Variants in FAT2 observed in about 807,000 individuals in gnomAD.
FAT2 encodes FAT atypical cadherin 2.
Under a neutral mutation model 295.3 loss-of-function variants are expected in FAT2, and 150 were observed. The ratio of observed to expected loss-of-function variants is 0.51; its 90% confidence interval spans 0.44 to 0.58. The LOEUF (loss-of-function observed/expected upper bound fraction) is 0.58, where lower values mean the gene tolerates loss of function less well. FAT2 is among the 20% of genes least tolerant of loss of function. FAT2 has a pLI of 0.00. For synonymous variants in FAT2, 2,026 were observed against 2,150.3 expected, an observed-to-expected ratio of 0.94 and a Z score of 1.60; for missense variants, 4,868 against 5,442.7, an observed-to-expected ratio of 0.89 and a Z score of 3.32.
Position 151,512,284 on chromosome 5 carries a change from C to T in FAT2, c.11786G>A (p.Gly3929Asp), listed in dbSNP as rs1220768722. Reference sequence around the variant, plus strand: ...CTCCAGCAAGCCTGCCACCGTCTTGCCAGGGGCCAGCAGATCTAGAGCCTC... The same window carrying T: ...CTCCAGCAAGCCTGCCACCGTCTTGTCAGGGGCCAGCAGATCTAGAGCCTC... ...NEEALDLLAPGKTVAGLLETQ... is the reference protein window; with the variant it reads ...NEEALDLLAPDKTVAGLLETQ... Residue 3929 changes from glycine to aspartate, a missense_variant, in exon 21 of 24, where the codon GGC (glycine) becomes GAC (aspartate). Transcript: ENST00000261800. This position sits in a 1 kb window ranked among gnomAD's most constrained non-coding sequence, Gnocchi z 4.1. The T allele has an allele frequency of 3.1e-6, 5 of 1,614,216 alleles. No homozygotes were observed. Among genetic ancestry groups the T allele is most frequent in the South Asian group, 1.1e-5 (1 of 91,080 alleles).
At chr5:151,532,027 T>C in intron 13 of FAT2, 57 bp from the exon 14 acceptor site, 1 of 1,585,358 alleles carries the variant, frequency 6.3e-7, no homozygotes, top group Non-Finnish European at 8.6e-7. Flanking sequence ...TGGACCTGCC[T>C]GCAGCAAACC....
At chr5:151,594,594 C>T (rs1444057169), upstream of FAT2, among the ~76,000 whole-genome samples, 1 of 152,198 alleles carries the variant, frequency 6.6e-6, no homozygotes, top group African/African-American at 2.4e-5. Context: ...GGGGTGCCGC[C>T]GTAGGCTTCT....
intron 20 of FAT2, 68 bp downstream of exon 20, chr5:151,517,552 A>C: frequency 6.3e-7 from 1 of 1,589,924 alleles, no homozygotes; most frequent in Non-Finnish European, 8.6e-7. Context: ...GACATTCCTC[A>C]TGCCTCACCC....
intron 20 of FAT2, among the ~76,000 whole-genome samples, chr5:151,516,066 C>G (rs1365810799): frequency 1.3e-5 from 2 of 152,206 alleles, no homozygotes; most frequent in Non-Finnish European, 2.9e-5. Context: ...TAAGCATTCT[C>G]CTGCCAAAAG....
At position 151,531,517 on chromosome 5, in the gene FAT2, A is replaced by G. The variant is rs535532317; in HGVS notation, c.9811+70T>C. Reference sequence around the variant, plus strand: ...CGCTGCACAGGGTAGATACCCACACAGGGGAGGAACCCAGCGCTCCCAGAA... The same window carrying G: ...CGCTGCACAGGGTAGATACCCACACGGGGGAGGAACCCAGCGCTCCCAGAA... On this transcript the variant is annotated intron_variant, in intron 14 of 23. Coordinates refer to ENST00000261800, the MANE Select transcript of FAT2 (RefSeq NM_001447.3). The surrounding 1 kb of genome is among the most constrained non-coding windows in gnomAD (Gnocchi z 5.7). 3 of 1,587,218 alleles carry G rather than the reference A, an allele frequency of 1.9e-6. No individual in the cohort carries two copies. The highest frequency in any genetic ancestry group is 2.7e-5 in the African/African-American group (2 of 74,582).
At chr5:151,589,792 C>G (rs960636961) in intron 1 of FAT2, among the ~76,000 whole-genome samples, 36 of 151,956 alleles carry the variant, frequency 2.4e-4, no homozygotes, top group Non-Finnish European at 1.0e-4. Flanking sequence ...TCCTAGCTAC[C>G]CAGGAGGCTG....
At chr5:151,584,186 C>T (rs115316881) in intron 1 of FAT2, among the ~76,000 whole-genome samples, 6 of 152,074 alleles carry the variant, frequency 3.9e-5, no homozygotes, top group African/African-American at 4.8e-5. Flanking sequence ...AGACAGTTCT[C>T]AGAAACCAAG....
chr5:151,551,559 T>C lies in FAT2; in HGVS notation c.4204A>G (p.Ile1402Val). 3 of 1,614,248 alleles carry C rather than the reference T, an allele frequency of 1.9e-6. No individual in the cohort carries two copies. Among genetic ancestry groups the C allele is most frequent in the Non-Finnish European group, 2.5e-6 (3 of 1,180,022 alleles). The stretch of plus-strand genomic sequence containing the variant: ...GTATCAAGAGGCCTGGCAATGACGA[T>C]GCTGCCTGTGGTCTTCTCAATGTCA... The part of the protein sequence containing the change: ...DFDIEKTTGS[I>V]VIARPLDTRR... The change falls in exon 7 of 24, where the codon ATC (isoleucine) becomes GTC (valine). Residue 1402 changes from isoleucine to valine, a missense_variant. Physicochemically the swap from Ile to Val is conservative, Grantham distance 29 (BLOSUM62 3). Transcript: ENST00000261800.
intron 18 of FAT2, among the ~76,000 whole-genome samples, chr5:151,524,803 C>G (rs1753825735): frequency 6.6e-6 from 1 of 152,200 alleles, no homozygotes; most frequent in Non-Finnish European, 1.5e-5. Context: ...GTTGCTCTTC[C>G]TGCCTGGAAG....
chr5:151,572,333 G>A (rs540419670), intron 1 of FAT2, among the ~76,000 whole-genome samples: 4 of 152,082 alleles, frequency 2.6e-5, no homozygotes, highest in African/African-American at 7.2e-5. Context: ...CAGAATGAAC[G>A]CTGAAAGAGC....
intron 3 of FAT2, among the ~76,000 whole-genome samples, chr5:151,557,590 A>G (rs1757809767): frequency 2.0e-5 from 3 of 152,226 alleles, no homozygotes; most frequent in Non-Finnish European, 4.4e-5. Flanking sequence ...AAATGAGGCC[A>G]AGAGATAAGC....
chr5:151,556,856 A>C (rs1024825873), intron 3 of FAT2, among the ~76,000 whole-genome samples: 1 of 152,156 alleles, frequency 6.6e-6, no homozygotes, highest in African/African-American at 2.4e-5. Flanking sequence ...AGCATTTTCA[A>C]CTTATGATGG....
intron 12 of FAT2, among the ~76,000 whole-genome samples, chr5:151,537,013 C>T (rs1755388970): frequency 6.6e-6 from 1 of 152,180 alleles, no homozygotes; most frequent in Non-Finnish European, 1.5e-5. Context: ...CTCTCTTACC[C>T]CTGGCTAACA....
intron 1 of FAT2, among the ~76,000 whole-genome samples, chr5:151,570,424 C>T (rs542662711): frequency 6.6e-6 from 1 of 152,364 alleles, no homozygotes; most frequent in South Asian, 2.1e-4. Flanking sequence ...AGCTCCAAGT[C>T]ACACAGTGTG....
Position 151,549,512 on chromosome 5 carries a change from G to C in FAT2, c.4579-7C>G, listed in dbSNP as rs772213438. 12 of 1,613,472 alleles carry C rather than the reference G, an allele frequency of 7.4e-6. No individual in the cohort carries two copies. Among genetic ancestry groups the C allele is most frequent in the African/African-American group, 6.7e-5 (5 of 75,066 alleles). On this transcript the variant is annotated splice_region_variant and splice_polypyrimidine_tract_variant and intron_variant, in intron 8 of 23. Coordinates refer to ENST00000261800, the MANE Select transcript of FAT2 (RefSeq NM_001447.3). ...GTATTTCCTGGTCTCGGACCTATGGGCCCAAAGGGGGTAATTGGGTAAGCA... is the reference window on the plus strand; with the variant it reads ...GTATTTCCTGGTCTCGGACCTATGGCCCCAAAGGGGGTAATTGGGTAAGCA...
In FAT2 at chr5:151,512,612, A is replaced by G; in HGVS notation, c.11464-6T>C. 2.5e-6 allele frequency: 4 copies of G among 1,588,216 alleles called. No homozygotes were observed. Among genetic ancestry groups the G allele is most frequent in the Non-Finnish European group, 3.4e-6 (4 of 1,165,190 alleles). On this transcript the variant is annotated splice_polypyrimidine_tract_variant and splice_region_variant and intron_variant, in intron 20 of 23. Coordinates refer to ENST00000261800, the MANE Select transcript of FAT2 (RefSeq NM_001447.3). The surrounding 1 kb of genome is among the most constrained non-coding windows in gnomAD (Gnocchi z 4.1). ...TGGGGCACTCCACTGGCCAGCTGCA[A>G]AGGAAATCCAAACAGCCATCAGCAA...
Position 151,527,987 on chromosome 5 carries a change from A to T in FAT2, c.10164+9T>A. 1 of 1,613,570 alleles carries T rather than the reference A, an allele frequency of 6.2e-7. No individual in the cohort carries two copies. The highest frequency in any genetic ancestry group is 8.5e-7 in the Non-Finnish European group (1 of 1,179,810). ...TGAGCTCAGGGTGCGCCCCTCCCACATGACTCACCTGTTCCCGGTCCAGGG... is the reference window on the plus strand; with the variant it reads ...TGAGCTCAGGGTGCGCCCCTCCCACTTGACTCACCTGTTCCCGGTCCAGGG... On this transcript the variant is annotated intron_variant, in intron 16 of 23. Coordinates refer to ENST00000261800, the MANE Select transcript of FAT2 (RefSeq NM_001447.3).
chr5:151,570,010 A>G (rs142902614), intron 1 of FAT2, among the ~76,000 whole-genome samples: 261 of 152,386 alleles, frequency 1.7e-3, no homozygotes, highest in African/African-American at 6.0e-3. Context: ...AAAATCATCA[A>G]TCTCTTAGGA....
chr5:151,554,652 C>T lies in FAT2; in HGVS notation c.3655G>A (p.Glu1219Lys), dbSNP rs944692308. The change falls in exon 5 of 24, where the codon GAA becomes AAA. Residue 1219 changes from glutamate (E) to lysine (K), a missense_variant. By Grantham distance (56) the Glu-to-Lys change is moderately conservative. Transcript: ENST00000261800. Reference protein sequence around the residue: ...ILEVTVLDNGEPSLKSTSRVV... With the variant: ...ILEVTVLDNGKPSLKSTSRVV... ...CTGGAGGTGGACTTCAGTGAGGGTT[C>T]CCCATTGTCCAGCACAGTCACCTGG... is the stretch of plus-strand genomic sequence containing the variant. 3.1e-6 allele frequency: 5 copies of T among 1,613,374 alleles called. No homozygotes were observed. The Admixed American group carries it at 6.7e-5, about 22-fold the overall frequency.
Sources: allele counts gnomAD v4.1 joint callset (sites outside exome capture counted in the v4.1 genomes callset), GRCh38; gene constraint gnomAD v4.1.1; non-coding constraint Gnocchi (gnomAD v3.1); transcripts MANE v1.5; gene names NCBI Gene and HGNC (gene_info 2026-07-23, HGNC 2026-07-21).